OTOGL: variants seen among roughly 807,000 people sequenced by gnomAD.
The protein encoded by OTOGL is otogelin like, also known as otogelin-like protein.
Under a neutral mutation model 318.5 loss-of-function variants are expected in OTOGL, and 285 were observed. That is an observed-to-expected ratio of 0.89 (90% confidence interval 0.81 to 0.99). The LOEUF (loss-of-function observed/expected upper bound fraction) is 0.99. Among genes scored for constraint, OTOGL ranks in the 50% least tolerant of loss-of-function variants. OTOGL has a pLI of 0.00. For synonymous variants in OTOGL, 987 were observed against 936.5 expected, an observed-to-expected ratio of 1.05 and a Z score of -0.99; for missense variants, 2,899 against 2,845.6, an observed-to-expected ratio of 1.02 and a Z score of -0.43.
intron 26 of OTOGL, among the ~76,000 whole-genome samples, chr12:80,293,640 C>T (rs928853050): frequency 2.0e-5 from 3 of 151,828 alleles, no homozygotes; most frequent in African/African-American, 7.3e-5. Context: ...ATCATTTCTA[C>T]TTCCTCATAT....
At chr12:80,367,028 A>T (rs978104667) in intron 53 of OTOGL, among the ~76,000 whole-genome samples, 3 of 151,970 alleles carry the variant, frequency 2.0e-5, no homozygotes, top group Admixed American at 6.6e-5. Context: ...CCAGGCTGGA[A>T]TATAGTGGCC....
intron 5 of OTOGL, 121 bp downstream of exon 5, chr12:80,217,785 G>C: frequency 1.6e-6 from 1 of 623,298 alleles, no homozygotes; most frequent in Non-Finnish European, 2.6e-6. Context: ...CAGGATGGTA[G>C]TAATACTTAG....
At chr12:80,304,527 TA>T (rs1483218489) in intron 28 of OTOGL, among the ~76,000 whole-genome samples, 1 of 152,292 alleles carries the variant, frequency 6.6e-6, no homozygotes, top group East Asian at 1.9e-4. Flanking sequence ...GATACATTTT[TA>T]AAAAAGATTT....
intron 52 of OTOGL, chr12:80,366,296 C>A (rs1217947578): frequency 4.4e-6 from 2 of 451,996 alleles, no homozygotes; most frequent in East Asian, 7.1e-5. Context: ...GACATCAGAA[C>A]CCTAGGCTGC....
At chr12:80,119,606 T>A (rs1293567927) in intron 1 of OTOGL, among the ~76,000 whole-genome samples, 3 of 152,322 alleles carry the variant, frequency 2.0e-5, no homozygotes, top group South Asian at 2.1e-4. Flanking sequence ...GCCCTTAACT[T>A]GACCTTTCCC....
chr12:80,120,535 C>G (rs1870427085), intron 1 of OTOGL, among the ~76,000 whole-genome samples: 1 of 151,990 alleles, frequency 6.6e-6, no homozygotes, highest in African/African-American at 2.4e-5. Context: ...AATGTGCAAA[C>G]TTCTTGAAAA....
intron 49 of OTOGL, 111 bp downstream of exon 49, chr12:80,357,025 A>G (rs1889949823): frequency 3.6e-6 from 2 of 555,134 alleles, no homozygotes; most frequent in African/African-American, 3.9e-5. Flanking sequence ...CTGATGTTAT[A>G]AGAATTCAAC....
At chr12:80,354,568 G>A (rs930253596) in intron 46 of OTOGL, among the ~76,000 whole-genome samples, 4 of 152,098 alleles carry the variant, frequency 2.6e-5, no homozygotes, top group Non-Finnish European at 5.9e-5. Context: ...GGAATTGTCA[G>A]TCATAGGCCT....
intron 4 of OTOGL, among the ~76,000 whole-genome samples, chr12:80,212,538 C>T (rs560058941): frequency 1.4e-4 from 21 of 152,134 alleles, no homozygotes; most frequent in African/African-American, 3.6e-4. Flanking sequence ...CCTTCTTGCC[C>T]GGGTGCCTTT....
intron 44 of OTOGL, among the ~76,000 whole-genome samples, chr12:80,347,309 C>G (rs1462411442): frequency 2.0e-5 from 3 of 152,050 alleles, no homozygotes; most frequent in East Asian, 1.9e-4. Flanking sequence ...TCCCCCACCC[C>G]CCGACGGGTT....
chr12:80,288,392 C>A (rs1031882025), intron 26 of OTOGL, among the ~76,000 whole-genome samples: 8 of 152,010 alleles, frequency 5.3e-5, no homozygotes, highest in African/African-American at 1.4e-4. Context: ...TTACTCTTCT[C>A]GAAGAGTATC....
chr12:80,248,744 A>T (rs946477519), intron 11 of OTOGL, among the ~76,000 whole-genome samples: 15 of 148,380 alleles, frequency 1.0e-4, no homozygotes, highest in Admixed American at 9.3e-4. Context: ...CTCCTGGATA[A>T]TATCCTGCAG....
intron 1 of OTOGL, among the ~76,000 whole-genome samples, chr12:80,139,259 C>T (rs1871773141): frequency 6.6e-6 from 1 of 152,114 alleles, no homozygotes; most frequent in Admixed American, 6.6e-5. Flanking sequence ...TTCCTGGACC[C>T]TCTGTGCAAA....
At chr12:80,339,293 C>CTTT in intron 43 of OTOGL, 29 bp downstream of exon 43, 1 of 527,476 alleles carries the variant, frequency 1.9e-6, no homozygotes, top group Non-Finnish European at 2.9e-6. Flanking sequence ...ATCTTGATTT[C>CTTT]GTCTGTTTTT....
At chr12:80,181,049 A>T (rs1874884307) in intron 1 of OTOGL, among the ~76,000 whole-genome samples, 1 of 152,172 alleles carries the variant, frequency 6.6e-6, no homozygotes, top group South Asian at 2.1e-4. Context: ...CAAAGAGGTT[A>T]TCTTGTTCAA....
At chr12:80,178,276 G>T (rs1295749520) in intron 1 of OTOGL, among the ~76,000 whole-genome samples, 2 of 151,662 alleles carry the variant, frequency 1.3e-5, no homozygotes, top group East Asian at 3.9e-4. Flanking sequence ...GGCTAGGCTG[G>T]TCTCAAACTC....
At chr12:80,157,708 G>T (rs1354629812) in intron 1 of OTOGL, among the ~76,000 whole-genome samples, 6 of 152,064 alleles carry the variant, frequency 3.9e-5, no homozygotes, top group Admixed American at 3.9e-4. Flanking sequence ...CTTGTTCTTG[G>T]CACCTTTGTG....
At chr12:80,274,360 A>G (rs1303474635) in intron 24 of OTOGL, among the ~76,000 whole-genome samples, 1 of 152,070 alleles carries the variant, frequency 6.6e-6, no homozygotes, top group East Asian at 1.9e-4. Context: ...GGATAGATCA[A>G]ATCAGCTGCA....
At chr12:80,376,604 C>T (rs375657969) in intron 57 of OTOGL, among the ~76,000 whole-genome samples, 2 of 152,078 alleles carry the variant, frequency 1.3e-5, no homozygotes, top group Non-Finnish European at 2.9e-5. Flanking sequence ...CTCATCCATA[C>T]ACTTCAATAT....
Sources: allele counts gnomAD v4.1 joint callset (sites outside exome capture counted in the v4.1 genomes callset), GRCh38; gene constraint gnomAD v4.1.1; transcripts MANE v1.5; gene names NCBI Gene and HGNC (gene_info 2026-07-23, HGNC 2026-07-21).